The following KCTD1 variants were observed in gnomAD, a reference collection of about 807,000 sequenced individuals.
The protein encoded by KCTD1 is potassium channel tetramerization domain containing 1.
KCTD1 carries 24 observed loss-of-function variants against 66.0 expected under a neutral mutation model. The ratio of observed to expected loss-of-function variants is 0.36; its 90% CI spans 0.26 to 0.51. KCTD1 has a LOEUF of 0.51. KCTD1 is among the 20% of genes least tolerant of loss of function. The pLI, the probability that KCTD1 is intolerant of heterozygous loss-of-function variation, is 0.95. For missense variants in KCTD1, 943 were observed against 1,205.2 expected (o/e 0.78, Z 3.22); for synonymous variants, 511 against 517.2 (o/e 0.99, Z 0.16).
At chr18:26,631,037 T>C (rs1211931792), upstream of KCTD1, among the ~76,000 whole-genome samples, 1 of 152,230 alleles carries the variant, frequency 6.6e-6, no homozygotes, top group Non-Finnish European at 1.5e-5. Flanking sequence ...TCTAGTTACC[T>C]GTCAGACAAT....
chr18:26,623,107 T>C (rs1297590605), intron 1 of KCTD1, among the ~76,000 whole-genome samples: 1 of 152,174 alleles, frequency 6.6e-6, no homozygotes, highest in Non-Finnish European at 1.5e-5. Context: ...AATCTCTTCA[T>C]TGCCTCTCCT....
At chr18:26,614,989 A>G (rs1987218663) in intron 1 of KCTD1, among the ~76,000 whole-genome samples, 1 of 152,224 alleles carries the variant, frequency 6.6e-6, no homozygotes, top group Non-Finnish European at 1.5e-5. Context: ...TTCCTGTATA[A>G]AAATGAACTC....
At chr18:26,653,602 G>A (rs531195637) in intron 1 of KCTD1, among the ~76,000 whole-genome samples, 1 of 152,292 alleles carries the variant, frequency 6.6e-6, no homozygotes, top group East Asian at 1.9e-4. Context: ...TGTGTCTCCA[G>A]CATTTAACAC....
chr18:26,456,271 G>C (rs577700611), intron 4 of KCTD1: 1 of 169,392 alleles, frequency 5.9e-6, no homozygotes, highest in African/African-American at 2.4e-5. Context: ...TGCCCTCTCT[G>C]TCAAAAATGA....
At chr18:26,524,365 A>C (rs764962332) in intron 1 of KCTD1, among the ~76,000 whole-genome samples, 1 of 152,172 alleles carries the variant, frequency 6.6e-6, no homozygotes, top group Non-Finnish European at 1.5e-5. Context: ...TTCCCCTAAT[A>C]CAGACAAAAT....
chr18:26,653,991 G>A (rs1361993286), intron 1 of KCTD1, among the ~76,000 whole-genome samples: 3 of 152,166 alleles, frequency 2.0e-5, no homozygotes, highest in South Asian at 4.1e-4. Context: ...AAATAAAAAC[G>A]TTGGTGAAGT....
chr18:26,600,967 T>C (rs541116150), intron 1 of KCTD1, among the ~76,000 whole-genome samples: 2 of 152,202 alleles, frequency 1.3e-5, no homozygotes, highest in South Asian at 4.2e-4. Context: ...TCTTGAGATA[T>C]CTTGAGATTC....
intron 1 of KCTD1, among the ~76,000 whole-genome samples, chr18:26,620,416 C>A (rs1297005947): frequency 8.2e-6 from 1 of 122,202 alleles, no homozygotes; most frequent in African/African-American, 3.3e-5. Context: ...ACTTTTATGA[C>A]AGCAATCAAA....
intron 1 of KCTD1, among the ~76,000 whole-genome samples, chr18:26,646,213 C>A (rs1394338562): frequency 2.0e-5 from 3 of 152,178 alleles, no homozygotes; most frequent in African/African-American, 4.8e-5. Context: ...GCTGTTACGT[C>A]CCTCTGTTAG....
At chr18:26,474,547 A>T (rs1485686830) in intron 3 of KCTD1, among the ~76,000 whole-genome samples, 2 of 152,246 alleles carry the variant, frequency 1.3e-5, no homozygotes, top group Non-Finnish European at 2.9e-5. Flanking sequence ...TATTTGATAC[A>T]AAAGAAACTG....
chr18:26,505,932 G>A (rs939310069), intron 1 of KCTD1, among the ~76,000 whole-genome samples: 2 of 152,110 alleles, frequency 1.3e-5, no homozygotes, highest in African/African-American at 4.8e-5. Flanking sequence ...CTGGAGTGCA[G>A]TGGCATGATC....
intron 1 of KCTD1, among the ~76,000 whole-genome samples, chr18:26,562,552 G>A (rs1985885584): frequency 6.6e-6 from 1 of 152,304 alleles, no homozygotes; most frequent in African/African-American, 2.4e-5. Context: ...ATGCGCCACT[G>A]CACCCGGCCT....
upstream of KCTD1, chr18:26,549,162 T>A: frequency 5.1e-6 from 5 of 984,940 alleles, no homozygotes; most frequent in Non-Finnish European, 6.0e-6. Context: ...CCCCGCACCC[T>A]CTCGGCGCCC....
At chr18:26,599,841 C>T (rs1986848983) in intron 1 of KCTD1, 3 of 1,557,950 alleles carry the variant, frequency 1.9e-6, no homozygotes, top group African/African-American at 2.7e-5. Context: ...TTCGAGAACA[C>T]CTTGGTCATG....
At chr18:26,474,871 A>G (rs1307639553) in intron 3 of KCTD1, among the ~76,000 whole-genome samples, 2 of 151,930 alleles carry the variant, frequency 1.3e-5, no homozygotes, top group Non-Finnish European at 2.9e-5. Flanking sequence ...TTTTCATAAT[A>G]CTTTTATTGC....
upstream of KCTD1, among the ~76,000 whole-genome samples, chr18:26,630,211 C>G (rs1241773398): frequency 6.6e-6 from 1 of 152,222 alleles, no homozygotes. Flanking sequence ...TGAGTGATCA[C>G]TGTATCTTTC....
At chr18:26,488,868 C>G (rs1354346337) in intron 2 of KCTD1, among the ~76,000 whole-genome samples, 1 of 152,204 alleles carries the variant, frequency 6.6e-6, no homozygotes, top group African/African-American at 2.4e-5. Flanking sequence ...GATACCACGT[C>G]TTGAATAGAT....
At chr18:26,501,284 C>A in intron 1 of KCTD1, 34 bp from the exon 2 acceptor site, 1 of 1,576,954 alleles carries the variant, frequency 6.3e-7, no homozygotes, top group Non-Finnish European at 8.7e-7. Flanking sequence ...GATACTTTTT[C>A]TCTTTACAGT....
At position 26,571,996 on chromosome 18, in the gene KCTD1, TA is replaced by T. The variant is rs948436989; in HGVS notation, c.-16+57150del. 1.9e-3 allele frequency among the ~76,000 whole-genome samples: 292 copies of T among 151,070 alleles called. 6 individuals are homozygous for T. The highest frequency in any genetic ancestry group is 6.5e-3 in the African/African-American group (267 of 41,292). On this transcript the variant is annotated intron_variant, in intron 1 of 4. Coordinates refer to the KCTD1 transcript ENST00000317932. ...ACATGATACTTAATTCTGTATTCAT[TA>T]AAAAAAAATTAAACTTCATGCTAGT...
Sources: gnomAD v4.1 joint callset for allele counts (sites outside exome capture counted in the v4.1 genomes callset) on GRCh38, gnomAD v4.1.1 for gene constraint, MANE v1.5 for transcripts, NCBI Gene and HGNC (gene_info 2026-07-23, HGNC 2026-07-21) for gene names.